MAF: variants seen among roughly 807,000 people sequenced by gnomAD.
The protein encoded by MAF is MAF bZIP transcription factor.
MAF carries 10 observed loss-of-function variants against 22.0 expected under a neutral mutation model. That is an observed-to-expected ratio of 0.45 (90% confidence interval 0.28 to 0.77). The LOEUF is 0.77. Among genes scored for constraint, MAF ranks in the 30% least tolerant of loss-of-function variants. MAF has a pLI of 0.12. For synonymous variants in MAF, 337 were observed against 255.8 expected (o/e 1.32, Z -3.03); for missense variants, 544 against 548.4 (o/e 0.99, Z 0.08).
chr16:79,386,720 C>T, the MAF span, among the ~76,000 whole-genome samples: 5,043 of 152,140 alleles, frequency 0.033, 282 homozygotes, highest in African/African-American at 0.12. Context: ...GTGAGCAGCA[C>T]AGACTCAGTG....
chr16:79,249,210 G>A, the MAF span, among the ~76,000 whole-genome samples: 1 of 152,112 alleles, frequency 6.6e-6, no homozygotes, highest in Non-Finnish European at 1.5e-5. Flanking sequence ...ACCTGAGGTC[G>A]GGAGTTCGAG....
the MAF span, among the ~76,000 whole-genome samples, chr16:79,515,217 C>T: frequency 9.2e-5 from 14 of 152,224 alleles, no homozygotes; most frequent in Non-Finnish European, 1.5e-4. Context: ...TAGACTTCAA[C>T]GCTGCTGACC....
chr16:79,384,787 A>G, the MAF span, among the ~76,000 whole-genome samples: 9 of 152,190 alleles, frequency 5.9e-5, no homozygotes, highest in Admixed American at 5.2e-4. Context: ...AAATTAAAAA[A>G]GGGGGAGCAT....
At chr16:79,512,065 G>C in the MAF span, among the ~76,000 whole-genome samples, 4 of 152,120 alleles carry the variant, frequency 2.6e-5, no homozygotes, top group Non-Finnish European at 1.5e-5. Flanking sequence ...GATTCTTTTT[G>C]ATTATTCCCT....
chr16:79,286,835 T>C, the MAF span, among the ~76,000 whole-genome samples: 4 of 152,230 alleles, frequency 2.6e-5, no homozygotes, highest in East Asian at 5.8e-4. Context: ...AACACCCTCG[T>C]AGAGACACAA....
chr16:79,510,222 A>C, the MAF span, among the ~76,000 whole-genome samples: 3 of 152,210 alleles, frequency 2.0e-5, no homozygotes, highest in Non-Finnish European at 4.4e-5. Flanking sequence ...CCCACAGCAA[A>C]AGGGCTCAAT....
the MAF span, among the ~76,000 whole-genome samples, chr16:79,501,768 G>A: frequency 6.6e-6 from 1 of 152,022 alleles, no homozygotes; most frequent in Non-Finnish European, 1.5e-5. Flanking sequence ...ATCCCCTTCG[G>A]CACCGGACAA....
chr16:79,467,141 C>A, the MAF span, among the ~76,000 whole-genome samples: 1 of 152,174 alleles, frequency 6.6e-6, no homozygotes, highest in South Asian at 2.1e-4. Context: ...AAACCCCTTA[C>A]AGTGGCCTCC....
the MAF span, among the ~76,000 whole-genome samples, chr16:79,368,519 G>C: frequency 6.6e-6 from 1 of 152,110 alleles, no homozygotes; most frequent in Non-Finnish European, 1.5e-5. Flanking sequence ...AAGGGACACA[G>C]AAGTATTTGT....
chr16:79,449,435 C>G, the MAF span, among the ~76,000 whole-genome samples: 1 of 152,174 alleles, frequency 6.6e-6, no homozygotes, highest in Non-Finnish European at 1.5e-5. Context: ...GAACAGAACC[C>G]GCAATAGCTG....
At chr16:79,431,996 C>T in the MAF span, among the ~76,000 whole-genome samples, 272 of 152,008 alleles carry the variant, frequency 1.8e-3, no homozygotes, top group African/African-American at 2.3e-3. Context: ...CCTAAAACCA[C>T]GGATATTTCC....
the MAF span, among the ~76,000 whole-genome samples, chr16:79,547,881 C>CGTGT: frequency 2.1e-5 from 3 of 142,662 alleles, no homozygotes; most frequent in Admixed American, 6.9e-5. Flanking sequence ...TGTGTGTGTG[C>CGTGT]GTGTGTGTGT....
the MAF span, among the ~76,000 whole-genome samples, chr16:79,419,695 A>C: frequency 6.6e-6 from 1 of 152,174 alleles, no homozygotes; most frequent in African/African-American, 2.4e-5. Context: ...GATTTTCATC[A>C]CAGATGCCAC....
At chr16:79,407,011 C>T in the MAF span, among the ~76,000 whole-genome samples, 15 of 152,320 alleles carry the variant, frequency 9.8e-5, no homozygotes, top group African/African-American at 3.4e-4. Flanking sequence ...GCGTCACACC[C>T]AGCCGGGAAA....
chr16:79,298,029 A>G, the MAF span, among the ~76,000 whole-genome samples: 1 of 152,246 alleles, frequency 6.6e-6, no homozygotes, highest in Admixed American at 6.5e-5. Flanking sequence ...CCAGTGCGGA[A>G]TGAAAATGCA....
the MAF span, chr16:79,505,782 C>T: frequency 6.6e-6 from 1 of 152,218 alleles, no homozygotes; most frequent in Admixed American, 6.5e-5. Flanking sequence ...GGCCTGAGGC[C>T]AGGAGGCCAT....
Position 79,599,585 on chromosome 16 carries a change from C to A in MAF, c.318G>T (p.Leu106=). The A allele has an allele frequency of 2.5e-6, 4 of 1,606,454 alleles. No individual in the cohort carries two copies. Among genetic ancestry groups the A allele is most frequent in the East Asian group, 2.2e-5 (1 of 44,602 alleles). Residue 106 remains leucine, a synonymous_variant, in exon 1 of 2, where the codon CTG becomes CTT. Transcript: ENST00000326043. Reference sequence around the variant, plus strand: ...CGACCGCGTCCTCGGGGCTGAAGCCCAGCGCCTCGGGGTTCAGCTGCTGCG... The same window carrying A: ...CGACCGCGTCCTCGGGGCTGAAGCCAAGCGCCTCGGGGTTCAGCTGCTGCG... The part of the protein sequence containing the change: ...GYPQQLNPEA[L]GFSPEDAVEA...
At chr16:79,277,883 G>A in the MAF span, among the ~76,000 whole-genome samples, 3 of 152,206 alleles carry the variant, frequency 2.0e-5, no homozygotes, top group Non-Finnish European at 4.4e-5. Context: ...CTCCTAAAGT[G>A]TGATCTGGGG....
At chr16:79,267,723 C>A in the MAF span, among the ~76,000 whole-genome samples, 1 of 152,320 alleles carries the variant, frequency 6.6e-6, no homozygotes, top group African/African-American at 2.4e-5. Flanking sequence ...TGAACACCTG[C>A]TTCAATGGTG....
Sources: gnomAD v4.1 joint callset for allele counts (sites outside exome capture counted in the v4.1 genomes callset) on GRCh38, gnomAD v4.1.1 for gene constraint, MANE v1.5 for transcripts, NCBI Gene and HGNC (gene_info 2026-07-23, HGNC 2026-07-21) for gene names.